ABCC8: variants seen among roughly 807,000 people sequenced by gnomAD.
ABCC8 encodes the protein ATP binding cassette subfamily C member 8.
In ABCC8, 137 loss-of-function variants were observed where a neutral mutation model predicts 188.0. The observed-to-expected ratio is 0.73, with a 90% confidence interval of 0.63 to 0.84. ABCC8 has a LOEUF of 0.84. Among genes scored for constraint, ABCC8 ranks in the 40% least tolerant of loss-of-function variants. ABCC8 has a pLI of 0.00. For missense variants in ABCC8, 1,750 were observed against 2,072.7 expected (o/e 0.84, Z 3.02); for synonymous variants, 797 against 846.5 (o/e 0.94, Z 1.01).
chr11:17,445,927 G>A (rs1290697137), intron 8 of ABCC8, among the ~76,000 whole-genome samples: 10 of 151,790 alleles, frequency 6.6e-5, no homozygotes, highest in South Asian at 2.1e-4. Context: ...TACTAGTAAC[G>A]GTAACCGTGC....
intron 6 of ABCC8, among the ~76,000 whole-genome samples, chr11:17,458,082 G>C (rs1346531103): frequency 6.6e-6 from 1 of 151,264 alleles, no homozygotes; most frequent in Non-Finnish European, 1.5e-5. Context: ...GCCCACATGA[G>C]AATTAAGCCA....
At chr11:17,450,921 T>C (rs1056184308) in intron 7 of ABCC8, among the ~76,000 whole-genome samples, 4 of 151,910 alleles carry the variant, frequency 2.6e-5, no homozygotes, top group Admixed American at 2.6e-4. Flanking sequence ...ACTTCTGACC[T>C]TGTGATCCAC....
At chr11:17,476,532 G>A in intron 1 of ABCC8, 97 bp downstream of exon 1, 12 of 1,468,474 alleles carry the variant, frequency 8.2e-6, no homozygotes, top group African/African-American at 1.4e-5. Context: ...CGGCGGTCGC[G>A]GGCCGGAAGG....
At position 17,435,769 on chromosome 11, in the gene ABCC8, T is replaced by A. The variant is rs912365792; in HGVS notation, c.1631-3525A>T. 11 of 1,348,218 alleles carry A rather than the reference T, an allele frequency of 8.2e-6. No individual in the cohort carries two copies. The African/African-American group carries it at 1.3e-4, about 16-fold the overall frequency. 83.5% of individuals were successfully genotyped at this position (1,348,218 alleles called of 1,614,324 possible). A position where few individuals can be genotyped will look rare whatever the true frequency, so the allele number is the denominator to read the frequency against. ...GGGAATCTTCAGGCCTTTTCCTAGG[T>A]CCCACATCAAGTGTCAGACCCCATT... On this transcript the variant is annotated intron_variant, in intron 10 of 38. Transcript: ENST00000389817.
chr11:17,439,598 C>T (rs1956234698), intron 10 of ABCC8, among the ~76,000 whole-genome samples: 1 of 152,148 alleles, frequency 6.6e-6, no homozygotes, highest in Non-Finnish European at 1.5e-5. Context: ...CCGTCTCTCT[C>T]CCCCTCCCAC....
rs756482070 is a variant in ABCC8, at chr11:17,460,606, C to T, written c.893G>A (p.Arg298His). 8.1e-6 allele frequency: 13 copies of T among 1,613,172 alleles called. No individual in the cohort carries two copies. Among genetic ancestry groups the T allele is most frequent in the East Asian group, 6.7e-5 (3 of 44,882 alleles). ...GCGGAAAGTGCTGCTGAGGACCAGG[C>T]GCCTCCCGAAGGCATGGCTGAGTGC... is the stretch of plus-strand genomic sequence containing the variant. ...WQALSHAFGR[R>H]LVLSSTFRIL... Residue 298 changes from arginine to histidine, a missense_variant, in exon 6 of 39, where the codon CGC becomes CAC. Coordinates refer to ENST00000389817, the MANE Select transcript of ABCC8 (RefSeq NM_000352.6).
At chr11:17,475,374 T>C (rs750699298) in intron 1 of ABCC8, among the ~76,000 whole-genome samples, 1 of 152,118 alleles carries the variant, frequency 6.6e-6, no homozygotes, top group Admixed American at 6.5e-5. Flanking sequence ...CACATCACCA[T>C]GCTCAGCTAA....
rs762368420 is a variant in ABCC8, at chr11:17,404,710, A to G, written c.3400-41T>C. The G allele has an allele frequency of 2.6e-6, 4 of 1,568,442 alleles. No individual in the cohort carries two copies. The highest frequency in any genetic ancestry group is 3.5e-6 in the Non-Finnish European group (4 of 1,157,400). ...GGGAGAGAGTGAGGTGAATTTTGGTATTGACTGTGTTTAGAGTGCTACTGG... is the reference window on the plus strand; with the variant it reads ...GGGAGAGAGTGAGGTGAATTTTGGTGTTGACTGTGTTTAGAGTGCTACTGG... On this transcript the variant is annotated intron_variant, in intron 27 of 38. Coordinates refer to ENST00000389817, the MANE Select transcript of ABCC8 (RefSeq NM_000352.6). This position sits in a 1 kb window ranked among gnomAD's most constrained non-coding sequence, Gnocchi z 4.7.
intron 7 of ABCC8, among the ~76,000 whole-genome samples, chr11:17,450,271 TTTC>T (rs1956723761): frequency 1.7e-5 from 2 of 119,684 alleles, no homozygotes; most frequent in South Asian, 3.0e-4. Flanking sequence ...TCTTTCTTTC[TTTC>T]TTTCTTTCTT....
chr11:17,470,647 A>G (rs557460102), intron 2 of ABCC8, among the ~76,000 whole-genome samples: 2 of 152,314 alleles, frequency 1.3e-5, no homozygotes, highest in East Asian at 3.9e-4. Context: ...AGCATGCGAT[A>G]TATGTTAACC....
At chr11:17,398,213 A>G in intron 30 of ABCC8, 126 bp downstream of exon 30, 3 of 1,265,626 alleles carry the variant, frequency 2.4e-6, no homozygotes, top group Non-Finnish European at 3.4e-6. Context: ...GGCTGGGGGA[A>G]GCAGGAAGGC....
intron 29 of ABCC8, 199 bp from the exon 30 acceptor site, chr11:17,398,640 C>T: frequency 5.8e-6 from 3 of 516,664 alleles, no homozygotes; most frequent in Non-Finnish European, 7.5e-6. Context: ...GAATCCCCAC[C>T]TCCTCCAAAC....
chr11:17,416,874 CA>C, intron 17 of ABCC8, 55 bp downstream of exon 17: 1 of 1,601,506 alleles, frequency 6.2e-7, no homozygotes, highest in Non-Finnish European at 8.6e-7. Context: ...CCTCCACCCC[CA>C]CCCTACCCCT....
intron 28 of ABCC8, among the ~76,000 whole-genome samples, chr11:17,402,978 G>A (rs185013995): frequency 9.8e-4 from 150 of 152,362 alleles, no homozygotes; most frequent in African/African-American, 3.3e-3. Flanking sequence ...AGCCTGATGT[G>A]GGGCACAATT....
chr11:17,475,744 A>C (rs1430351960), intron 1 of ABCC8, among the ~76,000 whole-genome samples: 3 of 152,204 alleles, frequency 2.0e-5, no homozygotes, highest in Non-Finnish European at 4.4e-5. Context: ...ATTTTGTGAC[A>C]ATCTTTCCTT....
intron 8 of ABCC8, among the ~76,000 whole-genome samples, chr11:17,444,865 G>A (rs79423304): frequency 0.031 from 4,762 of 152,206 alleles, 107 homozygotes; most frequent in South Asian, 0.076. Context: ...TGATTATAAT[G>A]CCCACTCTGA....
rs552293576 is a variant in ABCC8 at position 17,402,408 on chromosome 11, T to G, written c.3650+253A>C. Among the ~76,000 whole-genome samples the G allele has an allele frequency of 1.4e-4, 21 of 152,330 alleles. 1 individual carries two copies. The East Asian group carries it at 3.9e-3, about 28-fold the overall frequency. ...GAAGACTTGTCCCAGCTTTGTCTCT[T>G]TTCATGCTCTGCCTCACAGAGGTCC... On this transcript the variant is annotated intron_variant, in intron 29 of 38. Coordinates refer to ENST00000389817, the MANE Select transcript of ABCC8 (RefSeq NM_000352.6).
Position 17,448,585 on chromosome 11 carries a change from A to G in ABCC8, c.1263T>C (p.Val421=), listed in dbSNP as rs903203063. The part of the protein sequence containing the change: ...EMTAGQICNL[V]AIDTNQLMWF... ...ACATGAGCTGATTGGTGTCGATGGC[A>G]ACCAGATTACAGATCTGTCCAGCAG... The change falls in exon 8 of 39, where the codon GTT becomes GTC. Residue 421 remains valine (V), a synonymous_variant. Transcript: ENST00000389817. 6 of 1,614,104 alleles carry G rather than the reference A, an allele frequency of 3.7e-6. No homozygotes were observed. The highest frequency in any genetic ancestry group is 1.3e-5 in the African/African-American group (1 of 74,932).
At chr11:17,420,996 G>C (rs1011343530) in intron 16 of ABCC8, among the ~76,000 whole-genome samples, 1 of 152,218 alleles carries the variant, frequency 6.6e-6, no homozygotes, top group African/African-American at 2.4e-5. Flanking sequence ...AGTTCTCTCT[G>C]AGACCAGGAG....
Sources: gnomAD v4.1 joint callset for allele counts (sites outside exome capture counted in the v4.1 genomes callset) on GRCh38, gnomAD v4.1.1 for gene constraint, Gnocchi (gnomAD v3.1) non-coding constraint, MANE v1.5 for transcripts, NCBI Gene and HGNC (gene_info 2026-07-23, HGNC 2026-07-21) for gene names.